The following PIP5K1A variants were observed in gnomAD, a reference collection of about 807,000 sequenced individuals.
The protein encoded by PIP5K1A is phosphatidylinositol-4-phosphate 5-kinase type 1 alpha.
A neutral mutation model predicts 72.9 loss-of-function variants in PIP5K1A; 46 were observed. The ratio of observed to expected loss-of-function variants is 0.63; its 90% CI spans 0.50 to 0.81. PIP5K1A has a LOEUF of 0.81. Ranked by LOEUF, PIP5K1A falls within the 30% of genes least tolerant of loss-of-function variation. The probability of loss-of-function intolerance (pLI) is 0.00; values close to 1 mark genes in which losing one functional copy is unlikely to be tolerated. For synonymous variants in PIP5K1A, 228 were observed against 255.1 expected, an observed-to-expected ratio of 0.89 and a Z score of 1.01; for missense variants, 458 against 706.1, an observed-to-expected ratio of 0.65 and a Z score of 3.98.
intron 1 of PIP5K1A, chr1:151,223,953 G>T (rs1688752856): frequency 2.3e-6 from 1 of 442,306 alleles, no homozygotes; most frequent in African/African-American, 2.0e-5. Context: ...GGGCGATAGA[G>T]TGAGACTCCA....
At chr1:151,224,200 T>C in intron 1 of PIP5K1A, 45 bp from the exon 2 acceptor site, 2 of 1,545,448 alleles carry the variant, frequency 1.3e-6, no homozygotes, top group South Asian at 1.1e-5. Flanking sequence ...GACAGAGATG[T>C]GAGTGTGTGA....
chr1:151,226,881 G>T (rs1473060103), intron 3 of PIP5K1A, among the ~76,000 whole-genome samples: 1 of 151,684 alleles, frequency 6.6e-6, no homozygotes, highest in African/African-American at 2.4e-5. Flanking sequence ...ACAAAAATTA[G>T]TCAGGTGTGG....
chr1:151,232,729 C>T (rs1194182328), intron 7 of PIP5K1A, 26 bp downstream of exon 7: 4 of 1,601,762 alleles, frequency 2.5e-6, no homozygotes, highest in Non-Finnish European at 1.7e-6. Context: ...GCACTGTCCA[C>T]CTGTGCTGCT....
chr1:151,240,175 C>T (rs1691487628), intron 12 of PIP5K1A, 136 bp downstream of exon 12: 2 of 684,244 alleles, frequency 2.9e-6, no homozygotes, highest in Middle Eastern at 2.4e-4. Flanking sequence ...CCCATGAGAG[C>T]CATTTCTTGT....
intron 4 of PIP5K1A, among the ~76,000 whole-genome samples, chr1:151,228,321 A>G (rs1413376020): frequency 1.3e-5 from 2 of 151,976 alleles, no homozygotes; most frequent in African/African-American, 4.8e-5. Context: ...ATGGATAATA[A>G]TAAATTAGTT....
chr1:151,230,280 A>G (rs888415247), intron 4 of PIP5K1A, among the ~76,000 whole-genome samples: 1 of 152,198 alleles, frequency 6.6e-6, no homozygotes, highest in Admixed American at 6.6e-5. Context: ...CTTGAACTGT[A>G]AGTAGTAAGA....
In PIP5K1A at chr1:151,227,408, T is replaced by C; in HGVS notation, c.237+8T>C. The C allele has an allele frequency of 1.3e-6, 2 of 1,595,406 alleles. No individual in the cohort carries two copies. Among genetic ancestry groups the C allele is most frequent in the Non-Finnish European group, 1.7e-6 (2 of 1,163,664 alleles). On this transcript the variant is annotated splice_region_variant and intron_variant, in intron 4 of 15. Transcript: ENST00000368888. ...GAGACAACATATAAAAAGGTGTGTCTGGATGAAACCGTCTCATCTTACTCC... is the reference window on the plus strand; with the variant it reads ...GAGACAACATATAAAAAGGTGTGTCCGGATGAAACCGTCTCATCTTACTCC...
At chr1:151,232,449 C>T in intron 6 of PIP5K1A, 84 bp downstream of exon 6, 1 of 1,501,146 alleles carries the variant, frequency 6.7e-7, no homozygotes. Flanking sequence ...CACAGTCTCG[C>T]TCTGGTTTTT....
At chr1:151,230,311 A>G (rs1452859353) in intron 4 of PIP5K1A, among the ~76,000 whole-genome samples, 3 of 152,166 alleles carry the variant, frequency 2.0e-5, no homozygotes, top group Non-Finnish European at 4.4e-5. Context: ...GAAGTTTTAA[A>G]TTTGAGTTAA....
At chr1:151,217,356 C>A (rs1042933277) in intron 1 of PIP5K1A, among the ~76,000 whole-genome samples, 2 of 152,140 alleles carry the variant, frequency 1.3e-5, no homozygotes, top group Non-Finnish European at 2.9e-5. Context: ...TGCTGCTCCC[C>A]TCACTAATTT....
chr1:151,201,720 G>A (rs900194049), intron 1 of PIP5K1A, among the ~76,000 whole-genome samples: 2 of 152,160 alleles, frequency 1.3e-5, no homozygotes, highest in Non-Finnish European at 2.9e-5. Context: ...AAATTAGCCA[G>A]GCATGTTGGC....
intron 14 of PIP5K1A, 77 bp from the exon 15 acceptor site, chr1:151,246,843 G>A (rs931610101): frequency 3.9e-6 from 4 of 1,034,058 alleles, no homozygotes; most frequent in Non-Finnish European, 6.0e-6. Flanking sequence ...GAAGCAGTAT[G>A]AGATTTAAAA....
intron 1 of PIP5K1A, among the ~76,000 whole-genome samples, chr1:151,219,849 T>TC (rs1475123447): frequency 8.9e-6 from 1 of 112,728 alleles, no homozygotes; most frequent in African/African-American, 3.3e-5. Flanking sequence ...ACATATTCTT[T>TC]CCTTTTTTTT....
chr1:151,237,836 A>T (rs1270255787), intron 9 of PIP5K1A, among the ~76,000 whole-genome samples: 3 of 149,616 alleles, frequency 2.0e-5, no homozygotes, highest in Non-Finnish European at 4.5e-5. Flanking sequence ...AGATAGCAAA[A>T]GTACTGAAGA....
chr1:151,213,037 CCCG>C (rs1687067415), intron 1 of PIP5K1A, among the ~76,000 whole-genome samples: 1 of 151,726 alleles, frequency 6.6e-6, no homozygotes, highest in Non-Finnish European at 1.5e-5. Flanking sequence ...ACTACAGGCG[CCCG>C]CCACCACGCC....
intron 8 of PIP5K1A, among the ~76,000 whole-genome samples, chr1:151,235,697 G>A (rs1228658590): frequency 6.6e-6 from 1 of 152,210 alleles, no homozygotes; most frequent in African/African-American, 2.4e-5. Context: ...TGTATTCCTT[G>A]TTCTTTTGAG....
chr1:151,216,900 GTTTTTTTTTTTTTTTTTTTTT>G (rs78155966), intron 1 of PIP5K1A, among the ~76,000 whole-genome samples: 100,385 of 139,036 alleles, frequency 0.72, 34,382 homozygotes, highest in Middle Eastern at 0.76. Flanking sequence ...CTTAGTAAAT[GTTTTTTTTTTTTTTTTTTTTT>G]TTTTTTTTTG....
intron 7 of PIP5K1A, among the ~76,000 whole-genome samples, chr1:151,232,948 A>G (rs1435360546): frequency 6.6e-6 from 1 of 151,824 alleles, no homozygotes; most frequent in Non-Finnish European, 1.5e-5. Context: ...AAAATACAAA[A>G]AATTAGCCAG....
At chr1:151,207,306 C>G (rs1686075899) in intron 1 of PIP5K1A, among the ~76,000 whole-genome samples, 1 of 152,116 alleles carries the variant, frequency 6.6e-6, no homozygotes, top group African/African-American at 2.4e-5. Context: ...TTCAGGAAAC[C>G]CAAGTCTTTT....
Sources: gnomAD v4.1 joint callset for allele counts (sites outside exome capture counted in the v4.1 genomes callset) on GRCh38, gnomAD v4.1.1 for gene constraint, MANE v1.5 for transcripts, NCBI Gene and HGNC (gene_info 2026-07-23, HGNC 2026-07-21) for gene names.